Variants in KLF10 observed in about 807,000 individuals in gnomAD.
KLF10 encodes the protein Krueppel-like factor 10.
Under a neutral mutation model 31.6 loss-of-function variants are expected in KLF10, and 17 were observed. The observed-to-expected ratio is 0.54, with a 90% CI of 0.37 to 0.81. The LOEUF (loss-of-function observed/expected upper bound fraction) is 0.81. KLF10 is among the 30% of genes least tolerant of loss of function. KLF10 has a pLI of 0.00. For synonymous variants in KLF10, 239 were observed against 215.1 expected, an observed-to-expected ratio of 1.11 and a Z score of -0.97; for missense variants, 525 against 598.1, an observed-to-expected ratio of 0.88 and a Z score of 1.27.
chr8:102,654,017 C>T (rs1827294829), intron 1 of KLF10: 5 of 982,636 alleles, frequency 5.1e-6, no homozygotes, highest in South Asian at 4.7e-5. Context: ...CACGTCCCCG[C>T]GCCCCTGCCC....
chr8:102,654,182 C>T (rs1362402355), intron 1 of KLF10: 1 of 152,970 alleles, frequency 6.5e-6, no homozygotes, highest in Non-Finnish European at 1.4e-5. Flanking sequence ...ATTGCCGCGC[C>T]GTCACCTTTC....
intron 1 of KLF10, chr8:102,653,714 C>G (rs1267598075): frequency 8.3e-7 from 1 of 1,208,812 alleles, no homozygotes; most frequent in African/African-American, 1.6e-5. Context: ...GGACAGCGCG[C>G]GTGTGTGTAA....
chr8:102,655,695 T>A lies in KLF10; in HGVS notation c.-94A>T. ...GGCGCACGGAGACACTCGACGCCGC[T>A]CCCGCCGCCGCCGCGCTCAGCGCCG... is the stretch of plus-strand genomic sequence containing the variant. On this transcript the variant is annotated 5_prime_UTR_variant, in exon 1 of 4. Transcript: ENST00000285407. The A allele has an allele frequency of 7.0e-7, 1 of 1,420,340 alleles. No homozygotes were observed. Among genetic ancestry groups the A allele is most frequent in the Non-Finnish European group, 9.8e-7 (1 of 1,024,390 alleles). The allele number at this position is 1,420,340 out of a possible 1,614,324, so 88.0% of individuals were successfully genotyped here.
chr8:102,650,190 A>T lies in KLF10; in HGVS notation c.1385T>A (p.Met462Lys). 2 of 1,614,224 alleles carry T rather than the reference A, an allele frequency of 1.2e-6. No homozygotes were observed. Among genetic ancestry groups the T allele is most frequent in the Non-Finnish European group, 1.7e-6 (2 of 1,180,036 alleles). Residue 462 changes from methionine (M) to lysine (K), a missense_variant, in exon 4 of 4, where the codon ATG becomes AAG. Met to Lys is a moderately conservative substitution (Grantham distance 95). Around this residue, in one of 3 missense-constraint regions of KLF10, gnomAD observed 42 missense variants for 42.4 expected, o/e 0.99. Transcript: ENST00000285407. The part of the protein sequence containing the change: ...LSAKKLPNWQ[M>K]EVSKLNDIAL... ...AATGTCATTTAGCTTGCTCACTTCC[A>T]TCTGCCAGTTTGGTAGCTTCTTGGC...
chr8:102,653,394 C>A, intron 1 of KLF10: 1 of 1,234,302 alleles, frequency 8.1e-7, no homozygotes, highest in African/African-American at 1.6e-5. Context: ...ACAGGTTTTG[C>A]ACTTATTTGT....
chr8:102,653,307 G>A (rs1185747234), intron 1 of KLF10, among the ~76,000 whole-genome samples: 2 of 152,096 alleles, frequency 1.3e-5, no homozygotes, highest in East Asian at 3.8e-4. Flanking sequence ...TGCAAAAACC[G>A]ACTTTAAAAA....
chr8:102,655,432 T>A, intron 1 of KLF10, 134 bp downstream of exon 1: 1 of 1,165,374 alleles, frequency 8.6e-7, no homozygotes, highest in Non-Finnish European at 1.3e-6. Flanking sequence ...CAGGAAGCCC[T>A]TTCCTTCCCC....
rs746485215 is a variant in KLF10 at position 102,652,205 on chromosome 8, G to C, written c.229C>G (p.Leu77Val). ...PVSDLSEEEN[L>V]LPGTPDFHTI... The stretch of plus-strand genomic sequence containing the variant: ...TGAAAATCAGGTGTTCCCGGAAGCA[G>C]ATTCTCTTCCTCTGACAAATCAGAT... The change falls in exon 2 of 4, where the codon CTG becomes GTG. Residue 77 changes from leucine (L) to valine (V), a missense_variant. Physicochemically the swap from Leu to Val is conservative, Grantham distance 32. Coordinates refer to ENST00000285407, the MANE Select transcript of KLF10 (RefSeq NM_005655.4). 1 of 1,606,740 alleles carries C rather than the reference G, an allele frequency of 6.2e-7. No individual in the cohort carries two copies. The highest frequency in any genetic ancestry group is 8.5e-7 in the Non-Finnish European group (1 of 1,175,158).
chr8:102,650,048 C>T lies in KLF10; in HGVS notation c.*84G>A, dbSNP rs566706590. The T allele has an allele frequency of 6.6e-7, 1 of 1,513,800 alleles. No homozygotes were observed. The highest frequency in any genetic ancestry group is 1.3e-5 in the South Asian group (1 of 77,770). The allele number at this position is 1,513,800 out of a possible 1,614,324, so 93.8% of individuals were successfully genotyped here. ...GCTTTAAGCCCACGTTGTGGGGCCA[C>T]AGACTTGCAGTGGAAGCATTTTTAC... is the stretch of plus-strand genomic sequence containing the variant. On this transcript the variant is annotated 3_prime_UTR_variant, in exon 4 of 4. Coordinates refer to ENST00000285407, the MANE Select transcript of KLF10 (RefSeq NM_005655.4).
chr8:102,650,402 G>C lies in KLF10; in HGVS notation c.1184-11C>G. 1 of 1,609,246 alleles carries C rather than the reference G, an allele frequency of 6.2e-7. No homozygotes were observed. The highest frequency in any genetic ancestry group is 2.2e-5 in the East Asian group (1 of 44,778). On this transcript the variant is annotated splice_polypyrimidine_tract_variant and intron_variant, in intron 3 of 3. Coordinates refer to ENST00000285407, the MANE Select transcript of KLF10 (RefSeq NM_005655.4). ...TGAAAGGCTTTTCTCCTAAAACAAA[G>C]ACATACAAATCATTATTATGCATAA... is the stretch of plus-strand genomic sequence containing the variant.
chr8:102,653,580 A>C, intron 1 of KLF10: 2 of 1,400,754 alleles, frequency 1.4e-6, no homozygotes, highest in Non-Finnish European at 9.3e-7. Flanking sequence ...ATTATTCTCA[A>C]TACTAGTTTT....
intron 1 of KLF10, chr8:102,653,721 G>T (rs1045901818): frequency 1.8e-5 from 21 of 1,193,884 alleles, no homozygotes; most frequent in Non-Finnish European, 2.2e-5. Context: ...GCGCGTGTGT[G>T]TAACAGCCCC....
intron 1 of KLF10, 144 bp downstream of exon 1, chr8:102,655,422 C>T: frequency 9.8e-7 from 1 of 1,023,770 alleles, no homozygotes; most frequent in African/African-American, 1.6e-5. Context: ...AGTCTGCAGG[C>T]AGGAAGCCCT....
chr8:102,655,405 T>A (rs1827340963), intron 1 of KLF10, among the ~76,000 whole-genome samples, 161 bp downstream of exon 1: 1 of 152,110 alleles, frequency 6.6e-6, no homozygotes, highest in Admixed American at 6.5e-5. Flanking sequence ...CCCTCACTAA[T>A]GCCCATAGTC....
In KLF10 at chr8:102,651,978, G is replaced by A. The variant is rs200051045; in HGVS notation, c.354C>T (p.His118=). Residue 118 remains histidine (H), a synonymous_variant, in exon 3 of 4, where the codon CAC becomes CAT. Transcript: ENST00000285407. ...NLMAPAPSTV[H]FKSLSDTAKP... ...TGGCAGTATCTGAGAGTGACTTGAA[G>A]TGTACAGTAGATGGCGCTGGTGCCA... 3.0e-5 allele frequency: 49 copies of A among 1,614,050 alleles called. 1 individual carries two copies. In the East Asian group the frequency reaches 6.9e-4, roughly 23 times the overall value.
At position 102,651,549 on chromosome 8, in the gene KLF10, T is replaced by G; in HGVS notation, c.783A>C (p.Ala261=). The change falls in exon 3 of 4, where the codon GCA becomes GCC. Residue 261 remains alanine, a synonymous_variant. Transcript: ENST00000285407. ...TAGGTGGCACTCCCCCTGCAGATAC[T>G]GCAGGTGGAGAGACCAACACTGACT... ...QQKSVLVSPP[A]VSAGGVPPMP... The G allele has an allele frequency of 6.2e-7, 1 of 1,614,016 alleles. No homozygotes were observed. Among genetic ancestry groups the G allele is most frequent in the Non-Finnish European group, 8.5e-7 (1 of 1,179,918 alleles).
rs1241636318 is a variant in KLF10, at chr8:102,651,273, T to C, written c.1059A>G (p.Ser353=). The change falls in exon 3 of 4, where the codon TCA becomes TCG. Residue 353 remains serine (S), a synonymous_variant. Coordinates refer to ENST00000285407, the MANE Select transcript of KLF10 (RefSeq NM_005655.4). ...PIAPAPGFSP[S]AAKVTPQIDS... is the part of the protein sequence containing the mutation. ...CAATCTGAGGAGTGACTTTTGCTGC[T>C]GAAGGGGAAAACCCAGGAGCAGGGG... 1.2e-6 allele frequency: 2 copies of C among 1,607,648 alleles called. No homozygotes were observed. The highest frequency in any genetic ancestry group is 3.4e-5 in the Admixed American group (2 of 58,928).
At position 102,651,872 on chromosome 8, in the gene KLF10, T is replaced by C; in HGVS notation, c.460A>G (p.Ser154Gly). The change falls in exon 3 of 4, where the codon AGT becomes GGT. Residue 154 changes from serine to glycine, a missense_variant. Physicochemically the swap from Ser to Gly is moderately conservative, Grantham distance 56. Around this residue, in one of 3 missense-constraint regions of KLF10, gnomAD observed 434 missense variants for 450.7 expected, o/e 0.96. Transcript: ENST00000285407. ...APKLPKAQATSVIRHTADAQL... is the reference protein window; with the variant it reads ...APKLPKAQATGVIRHTADAQL... ...GCATCAGCTGTATGACGAATCACAC[T>C]TGTTGCCTGAGCTTTGGGGAGTTTG... 6.2e-7 allele frequency: 1 copy of C among 1,614,208 alleles called. No homozygotes were observed. The highest frequency in any genetic ancestry group is 8.5e-7 in the Non-Finnish European group (1 of 1,180,032).
At position 102,651,309 on chromosome 8, in the gene KLF10, G is replaced by A. The variant is rs1367780476; in HGVS notation, c.1023C>T (p.Leu341=). ...PPVVSPNGTR[L]SPIAPAPGFS... Reference sequence around the variant, plus strand: ...ACCCAGGAGCAGGGGCAATGGGAGAGAGTCTGGTGCCATTCGGGCTCACCA... The same window carrying A: ...ACCCAGGAGCAGGGGCAATGGGAGAAAGTCTGGTGCCATTCGGGCTCACCA... The change falls in exon 3 of 4, where the codon CTC becomes CTT. Residue 341 remains leucine (L), a synonymous_variant. Transcript: ENST00000285407. 1.9e-6 allele frequency: 3 copies of A among 1,604,760 alleles called. No homozygotes were observed. The highest frequency in any genetic ancestry group is 2.6e-6 in the Non-Finnish European group (3 of 1,175,692).
Sources: allele counts gnomAD v4.1 joint callset (sites outside exome capture counted in the v4.1 genomes callset), GRCh38; gene constraint gnomAD v4.1.1; regional missense constraint gnomAD v4.1.1; transcripts MANE v1.5; gene names NCBI Gene and HGNC (gene_info 2026-07-23, HGNC 2026-07-21).